The following FILIP1L variants were observed in gnomAD, a reference collection of about 807,000 sequenced individuals.
FILIP1L encodes filamin A interacting protein 1 like, also known as filamin A-interacting protein 1-like.
In FILIP1L, 55 loss-of-function variants were observed where a neutral mutation model predicts 96.6. That is an observed-to-expected ratio of 0.57 (90% CI 0.46 to 0.71). The LOEUF (loss-of-function observed/expected upper bound fraction) is 0.71, where lower values mean the gene tolerates loss of function less well. Ranked by LOEUF, FILIP1L falls within the 30% of genes least tolerant of loss-of-function variation. The pLI is 0.00. For synonymous variants in FILIP1L, 467 were observed against 473.9 expected (o/e 0.99, Z 0.19); for missense variants, 1,304 against 1,321.2 (o/e 0.99, Z 0.20).
intron 3 of FILIP1L, among the ~76,000 whole-genome samples, chr3:99,924,836 T>C (rs1425425907): frequency 6.6e-6 from 1 of 152,220 alleles, no homozygotes; most frequent in Non-Finnish European, 1.5e-5. Flanking sequence ...GTGGGTTTTT[T>C]ATCTCCTTGT....
chr3:99,963,515 A>C (rs1670133906), intron 1 of FILIP1L, among the ~76,000 whole-genome samples: 1 of 152,190 alleles, frequency 6.6e-6, no homozygotes, highest in African/African-American at 2.4e-5. Flanking sequence ...GAAGGATAAG[A>C]AAGAATGTTG....
chr3:100,084,088 G>A (rs1413208486), intron 1 of FILIP1L, among the ~76,000 whole-genome samples: 1 of 152,116 alleles, frequency 6.6e-6, no homozygotes, highest in Non-Finnish European at 1.5e-5. Flanking sequence ...CAGCAGAAAG[G>A]AGCTCAATTT....
chr3:99,845,842 T>C (rs1415691277), intron 5 of FILIP1L, among the ~76,000 whole-genome samples: 1 of 152,228 alleles, frequency 6.6e-6, no homozygotes, highest in Non-Finnish European at 1.5e-5. Context: ...ATTATTATAC[T>C]GAAGGAATCC....
At chr3:99,874,064 AAG>A (rs1705380649) in intron 4 of FILIP1L, among the ~76,000 whole-genome samples, 1 of 152,246 alleles carries the variant, frequency 6.6e-6, no homozygotes, top group South Asian at 2.1e-4. Context: ...TCAGTTTTAA[AAG>A]AGGTCTTATG....
intron 4 of FILIP1L, among the ~76,000 whole-genome samples, chr3:99,869,515 ACTT>A (rs1559668553): frequency 1.3e-5 from 2 of 152,186 alleles, no homozygotes; most frequent in South Asian, 2.1e-4. Flanking sequence ...AGAGTAATTC[ACTT>A]CTTCTGCCAT....
At chr3:100,073,555 C>T (rs779786858) in intron 1 of FILIP1L, among the ~76,000 whole-genome samples, 2 of 152,106 alleles carry the variant, frequency 1.3e-5, no homozygotes, top group Admixed American at 1.3e-4. Flanking sequence ...AAATAAGGAA[C>T]TTGGGTCCAG....
At chr3:100,094,674 C>CTTTTTTT in intron 1 of FILIP1L, among the ~76,000 whole-genome samples, 1 of 57,014 alleles carries the variant, frequency 1.8e-5, no homozygotes, top group African/African-American at 6.7e-5. Context: ...GAAAAGCTGC[C>CTTTTTTT]TTTTTTTTTT....
chr3:99,908,221 C>G (rs1453864654), intron 4 of FILIP1L, among the ~76,000 whole-genome samples: 1 of 152,136 alleles, frequency 6.6e-6, no homozygotes, highest in Non-Finnish European at 1.5e-5. Flanking sequence ...TGTCCATTAC[C>G]TAATTTGACC....
intron 1 of FILIP1L, among the ~76,000 whole-genome samples, chr3:99,988,787 CCACCATTGA>C (rs1206518232): frequency 1.3e-5 from 2 of 152,282 alleles, no homozygotes; most frequent in African/African-American, 4.8e-5. Flanking sequence ...ACTTAAACTT[CCACCATTGA>C]CCCATTGTTC....
At chr3:100,101,112 A>T (rs1339568378) in intron 1 of FILIP1L, among the ~76,000 whole-genome samples, 1 of 152,168 alleles carries the variant, frequency 6.6e-6, no homozygotes, top group East Asian at 1.9e-4. Context: ...TGGAATTCTC[A>T]TTAGACTATG....
chr3:100,035,797 T>C lies in FILIP1L; in HGVS notation c.-11+78256A>G, dbSNP rs189634692. Among the ~76,000 whole-genome samples the C allele has an allele frequency of 5.0e-3, 761 of 152,356 alleles. 5 individuals are homozygous for C. Among genetic ancestry groups the C allele is most frequent in the Admixed American group, 8.4e-3 (128 of 15,308 alleles). ...ATCCCCATGTGCTCATCACGAGCTA[T>C]AGCAGTCATCAACTCATGGCCAACT... On this transcript the variant is annotated intron_variant, in intron 1 of 5. Transcript: ENST00000477258.
intron 1 of FILIP1L, among the ~76,000 whole-genome samples, chr3:100,043,365 A>G (rs1463838196): frequency 2.0e-5 from 3 of 152,114 alleles, no homozygotes; most frequent in Non-Finnish European, 4.4e-5. Context: ...GCTATATTAA[A>G]TATTTGTTTC....
At position 99,984,048 on chromosome 3, in the gene FILIP1L, A is replaced by ATGTGTGTGTGTGTGTG. The variant is rs367846393; in HGVS notation, c.-10-53019_-10-53018insCACACACACACACACA. ...TTAATTAGCATGAAAAAGGATGTAT[A>ATGTGTGTGTGTGTGTG]TGTATGTGTGTTTGTGTGTGTGTGT... On this transcript the variant is annotated intron_variant, in intron 1 of 5. Transcript: ENST00000477258. Among the ~76,000 whole-genome samples, 953 of 147,672 alleles carry ATGTGTGTGTGTGTGTG rather than the reference A, an allele frequency of 6.5e-3. 13 individuals carry two copies. Among genetic ancestry groups the ATGTGTGTGTGTGTGTG allele is most frequent in the African/African-American group, 0.02 (806 of 39,556 alleles).
intron 1 of FILIP1L, among the ~76,000 whole-genome samples, chr3:99,937,591 C>T (rs895504487): frequency 1.3e-5 from 2 of 152,148 alleles, no homozygotes; most frequent in African/African-American, 4.8e-5. Context: ...ATGGTACTTG[C>T]TAATGGGTTT....
At position 99,848,389 on chromosome 3, in the gene FILIP1L, A is replaced by G; in HGVS notation, c.3287T>C (p.Ile1096Thr). 1.2e-6 allele frequency: 2 copies of G among 1,614,080 alleles called. No homozygotes were observed. Among genetic ancestry groups the G allele is most frequent in the Non-Finnish European group, 1.7e-6 (2 of 1,179,982 alleles). Residue 1096 changes from isoleucine (I) to threonine (T), a missense_variant, in exon 5 of 6, where the codon ATT becomes ACT. Ile to Thr is a moderately conservative substitution (Grantham distance 89). Coordinates refer to ENST00000477258, the MANE Select transcript of FILIP1L (RefSeq NM_001387850.1). ...PLQDNRTQGLINGALNKTTNK... is the reference protein window; with the variant it reads ...PLQDNRTQGLTNGALNKTTNK... ...GGTTGTTTTGTTTAGTGCCCCGTTA[A>G]TTAAGCCTTGAGTTCGGTTATCCTG...
chr3:99,870,395 C>T (rs935116012), intron 4 of FILIP1L, among the ~76,000 whole-genome samples: 9 of 152,186 alleles, frequency 5.9e-5, no homozygotes, highest in Non-Finnish European at 1.2e-4. Context: ...AGCATTCTCC[C>T]ACATTGTTTA....
chr3:99,924,393 C>G lies in FILIP1L; in HGVS notation c.442G>C (p.Glu148Gln). The G allele has an allele frequency of 6.2e-7, 1 of 1,614,002 alleles. No individual in the cohort carries two copies. The highest frequency in any genetic ancestry group is 8.5e-7 in the Non-Finnish European group (1 of 1,179,982). The change falls in exon 4 of 6, where the codon GAA becomes CAA. Residue 148 changes from glutamate to glutamine, a missense_variant. By Grantham distance (29) the Glu-to-Gln change is conservative (BLOSUM62 2). Transcript: ENST00000477258. Reference protein sequence around the residue: ...KPMNELDKVVEKHKESYRRIL... With the variant: ...KPMNELDKVVQKHKESYRRIL... ...CGTCTGTAAGATTCTTTATGTTTTTCCACAACTTTGTCCAACTACGAAAGA... is the reference window on the plus strand; with the variant it reads ...CGTCTGTAAGATTCTTTATGTTTTTGCACAACTTTGTCCAACTACGAAAGA...
intron 1 of FILIP1L, among the ~76,000 whole-genome samples, chr3:100,034,248 G>A (rs576714156): frequency 6.6e-6 from 1 of 152,140 alleles, no homozygotes; most frequent in Non-Finnish European, 1.5e-5. Context: ...CTCAGAATGG[G>A]GGGAAAAAGC....
rs9883757 is a variant in FILIP1L, at chr3:100,084,743, G to A, written c.-11+29310C>T. Among the ~76,000 whole-genome samples, 827 of 152,212 alleles carry A rather than the reference G, an allele frequency of 5.4e-3. 6 individuals carry two copies. Among genetic ancestry groups the A allele is most frequent in the African/African-American group, 0.018 (727 of 41,538 alleles). Reference sequence around the variant, plus strand: ...CACTTTTTCCACTTATTTGTGTTCCGAAAACTGAATATTTATAAATCAAAT... The same window carrying A: ...CACTTTTTCCACTTATTTGTGTTCCAAAAACTGAATATTTATAAATCAAAT... On this transcript the variant is annotated intron_variant, in intron 1 of 5. Coordinates refer to ENST00000477258, the MANE Select transcript of FILIP1L (RefSeq NM_001387850.1).
Sources: gnomAD v4.1 joint callset for allele counts (sites outside exome capture counted in the v4.1 genomes callset) on GRCh38, gnomAD v4.1.1 for gene constraint, MANE v1.5 for transcripts, NCBI Gene and HGNC (gene_info 2026-07-23, HGNC 2026-07-21) for gene names.